The following MMADHC variants were observed in gnomAD, a reference collection of about 807,000 sequenced individuals.
The protein encoded by MMADHC is metabolism of cobalamin associated D, also known as cobalamin trafficking protein CblD.
Under a neutral mutation model 36.3 loss-of-function variants are expected in MMADHC, and 23 were observed. The ratio of observed to expected loss-of-function variants is 0.63; its 90% CI spans 0.46 to 0.90. The LOEUF (loss-of-function observed/expected upper bound fraction) is 0.90. Ranked by LOEUF, MMADHC falls within the 40% of genes least tolerant of loss-of-function variation. The pLI, the probability that MMADHC is intolerant of heterozygous loss-of-function variation, is 0.00. For missense variants in MMADHC, 330 were observed against 348.0 expected (o/e 0.95, Z 0.41); for synonymous variants, 97 against 116.1 (o/e 0.84, Z 1.06).
At chr2:149,585,937 T>C (rs1682863390) in intron 2 of MMADHC, among the ~76,000 whole-genome samples, 1 of 152,178 alleles carries the variant, frequency 6.6e-6, no homozygotes, top group African/African-American at 2.4e-5. Context: ...TAAAACCAGG[T>C]CAAATAATAG....
chr2:149,573,539 ATT>A (rs1682673846), intron 6 of MMADHC, among the ~76,000 whole-genome samples: 1 of 152,186 alleles, frequency 6.6e-6, no homozygotes, highest in African/African-American at 2.4e-5. Context: ...AGATCTTTAA[ATT>A]TGTTATAATT....
intron 2 of MMADHC, among the ~76,000 whole-genome samples, chr2:149,583,269 G>T (rs1458776706): frequency 6.6e-6 from 1 of 152,176 alleles, no homozygotes; most frequent in Non-Finnish European, 1.5e-5. Flanking sequence ...AAATTTCATG[G>T]AGGATATACT....
At chr2:149,580,942 C>G (rs527256526) in intron 3 of MMADHC, among the ~76,000 whole-genome samples, 1 of 152,274 alleles carries the variant, frequency 6.6e-6, no homozygotes, top group South Asian at 2.1e-4. Flanking sequence ...GATACTGATG[C>G]AGATCATGTT....
intron 2 of MMADHC, among the ~76,000 whole-genome samples, chr2:149,584,505 A>C (rs2105051427): frequency 6.6e-6 from 1 of 152,312 alleles, no homozygotes; most frequent in African/African-American, 2.4e-5. Context: ...TATTTCAAAA[A>C]TCGCCTATTA....
intron 6 of MMADHC, among the ~76,000 whole-genome samples, chr2:149,571,386 T>G (rs1682636600): frequency 6.6e-6 from 1 of 152,222 alleles, no homozygotes; most frequent in Admixed American, 6.5e-5. Flanking sequence ...TCAAAAAGAC[T>G]AAATTCTGTA....
rs1044346633 is a variant in MMADHC, at chr2:149,587,766, C to A, written c.-155G>T. Reference sequence around the variant, plus strand: ...TGGTAGCACCTACGCTGGCGGTGAGCAGGCAAAGGAAGTTGCTTCCGAGCG... The same window carrying A: ...TGGTAGCACCTACGCTGGCGGTGAGAAGGCAAAGGAAGTTGCTTCCGAGCG... On this transcript the variant is annotated 5_prime_UTR_variant, in exon 1 of 8. Transcript: ENST00000303319. The A allele has an allele frequency of 2.0e-5, 3 of 152,932 alleles. No individual in the cohort carries two copies. Among genetic ancestry groups the A allele is most frequent in the Non-Finnish European group, 4.4e-5 (3 of 68,476 alleles). The allele number at this position is 152,932 out of a possible 1,614,324, so 9.5% of individuals were successfully genotyped here.
intron 4 of MMADHC, 38 bp from the exon 5 acceptor site, chr2:149,576,580 G>T: frequency 7.3e-7 from 1 of 1,374,044 alleles, no homozygotes; most frequent in Non-Finnish European, 1.0e-6. Context: ...AAAATCTGGA[G>T]TTCAAATAAA....
At chr2:149,570,726 C>T (rs946038379) in intron 7 of MMADHC, among the ~76,000 whole-genome samples, 1 of 152,154 alleles carries the variant, frequency 6.6e-6, no homozygotes, top group African/African-American at 2.4e-5. Context: ...GTATTTTACT[C>T]AATTAATTCT....
At chr2:149,575,963 AG>A in intron 5 of MMADHC, 122 bp from the exon 6 acceptor site, 1 of 736,992 alleles carries the variant, frequency 1.4e-6, no homozygotes, top group Non-Finnish European at 2.2e-6. Flanking sequence ...CTGTGGTATT[AG>A]TTAATTTTTA....
chr2:149,587,092 G>A lies in MMADHC; in HGVS notation c.6C>T (p.Ala2=). 6.2e-7 allele frequency: 1 copy of A among 1,613,756 alleles called. No homozygotes were observed. The change falls in exon 2 of 8, where the codon GCC becomes GCT. Residue 2 remains alanine (A), a synonymous_variant. Transcript: ENST00000303319. M[A]NVLCNRARLV... is the part of the protein sequence containing the mutation. ...TCTTAAGAGATAATTTACTCACATT[G>A]GCCATCTCCGCTGGAGAAGATAGTT...
At chr2:149,585,924 A>T (rs1682863254) in intron 2 of MMADHC, among the ~76,000 whole-genome samples, 1 of 152,200 alleles carries the variant, frequency 6.6e-6, no homozygotes, top group Non-Finnish European at 1.5e-5. Flanking sequence ...ATTTAAACCA[A>T]AATAAAACCA....
chr2:149,570,955 G>C, intron 7 of MMADHC, 130 bp downstream of exon 7: 2 of 720,046 alleles, frequency 2.8e-6, no homozygotes, highest in Non-Finnish European at 4.8e-6. Flanking sequence ...CTGACTCACA[G>C]TAGTATTTCT....
intron 6 of MMADHC, among the ~76,000 whole-genome samples, chr2:149,572,807 G>A (rs1279060275): frequency 1.3e-5 from 2 of 152,050 alleles, no homozygotes; most frequent in African/African-American, 4.8e-5. Context: ...GCAGTGCTGG[G>A]ACACATGGAT....
At chr2:149,582,076 T>C (rs1242713163) in intron 3 of MMADHC, 51 bp downstream of exon 3, 17 of 1,601,804 alleles carry the variant, frequency 1.1e-5, no homozygotes, top group Non-Finnish European at 1.5e-5. Context: ...AAAATACAAC[T>C]AAAAATGTTT....
chr2:149,571,421 C>T (rs1682637132), intron 6 of MMADHC, among the ~76,000 whole-genome samples: 1 of 152,164 alleles, frequency 6.6e-6, no homozygotes, highest in Non-Finnish European at 1.5e-5. Flanking sequence ...TTCTTTCTTT[C>T]TTTACGAACT....
At chr2:149,572,369 T>C (rs1373439779) in intron 6 of MMADHC, 1 of 293,058 alleles carries the variant, frequency 3.4e-6, no homozygotes, top group Admixed American at 5.1e-5. Flanking sequence ...GTTCCACTTC[T>C]GGCCATAACA....
chr2:149,587,358 C>A (rs1426868959), intron 1 of MMADHC: 3 of 554,350 alleles, frequency 5.4e-6, no homozygotes, highest in South Asian at 4.4e-5. Flanking sequence ...AGAGCCCTTC[C>A]GGTTTACAGC....
rs1015223421 is a variant in MMADHC at position 149,587,669 on chromosome 2, A to C, written c.-58T>G. The C allele has an allele frequency of 6.4e-6, 1 of 156,190 alleles. No homozygotes were observed. The highest frequency in any genetic ancestry group is 2.4e-5 in the African/African-American group (1 of 41,508). 9.7% of individuals were successfully genotyped at this position (156,190 alleles called of 1,614,324 possible). A position where few individuals can be genotyped will look rare whatever the true frequency, so the allele number is the denominator to read the frequency against. Reference sequence around the variant, plus strand: ...TGGGCGGAAACCATCCGTACCAGTCACCACCACTGTCTCCAGCTGTCCCAG... The same window carrying C: ...TGGGCGGAAACCATCCGTACCAGTCCCCACCACTGTCTCCAGCTGTCCCAG... On this transcript the variant is annotated 5_prime_UTR_variant, in exon 1 of 8. The change abolishes the stop of an existing upstream ORF in the 5' untranslated region. Transcript: ENST00000303319.
At chr2:149,576,211 C>G (rs954181370) in intron 5 of MMADHC, among the ~76,000 whole-genome samples, 6 of 152,046 alleles carry the variant, frequency 3.9e-5, no homozygotes, top group African/African-American at 1.4e-4. Context: ...TTAATTTAGC[C>G]TTAGGAAAAA....
Sources: gnomAD v4.1 joint callset for allele counts (sites outside exome capture counted in the v4.1 genomes callset) on GRCh38, gnomAD v4.1.1 for gene constraint, MANE v1.5 for transcripts, NCBI Gene and HGNC (gene_info 2026-07-23, HGNC 2026-07-21) for gene names.